The following XG variants were observed in gnomAD, a reference collection of about 807,000 sequenced individuals.
XG encodes the protein Xg glycoprotein (Xg blood group).
A neutral mutation model predicts 25.7 loss-of-function variants in XG; 24 were observed. The observed-to-expected ratio is 0.93, with a 90% CI of 0.68 to 1.31. The LOEUF (loss-of-function observed/expected upper bound fraction) is 1.31. Among genes scored for constraint, XG ranks in the 40% most tolerant of loss-of-function variants. XG has a pLI of 0.00. For synonymous variants in XG, 77 were observed against 69.2 expected, an observed-to-expected ratio of 1.11 and a Z score of -0.56; for missense variants, 181 against 187.6, an observed-to-expected ratio of 0.96 and a Z score of 0.21.
chrX:2,781,799 C>T (rs1181455606), intron 3 of XG, among the ~76,000 whole-genome samples: 3 of 112,331 alleles, frequency 2.7e-5, no homozygotes, highest in Non-Finnish European at 5.6e-5. Context: ...TCCATCATGG[C>T]AGACAGCTAC....
intron 3 of XG, among the ~76,000 whole-genome samples, chrX:2,779,377 T>C (rs1355315252): frequency 6.7e-6 from 1 of 150,008 alleles, no homozygotes; most frequent in African/African-American, 2.4e-5. Context: ...GGTTAGCCTA[T>C]GTCTACATTT....
chrX:2,780,563 A>G (rs774615275), intron 3 of XG, among the ~76,000 whole-genome samples: 1 of 152,128 alleles, frequency 6.6e-6, no homozygotes, highest in Admixed American at 6.6e-5. Context: ...CCCTGTTTCT[A>G]CTAAAAATAC....
intron 1 of XG, among the ~76,000 whole-genome samples, chrX:2,765,376 G>GGGAAGGAAGGAATGAAGGAAGGAA (rs2050660522): frequency 6.9e-6 from 1 of 144,024 alleles, no homozygotes; most frequent in Non-Finnish European, 1.5e-5. Context: ...GAGGGAGGGA[G>GGGAAGGAAGGAATGAAGGAAGGAA]GGAAGGAAGG....
chrX:2,779,516 T>A (rs1418972744), intron 3 of XG, among the ~76,000 whole-genome samples: 3 of 152,138 alleles, frequency 2.0e-5, no homozygotes, highest in Non-Finnish European at 4.4e-5. Flanking sequence ...AATGCAGTCA[T>A]CCTTCAGAAT....
intron 1 of XG, among the ~76,000 whole-genome samples, chrX:2,767,165 G>T (rs1324747691): frequency 1.3e-5 from 2 of 152,106 alleles, no homozygotes; most frequent in Non-Finnish European, 2.9e-5. Context: ...GGAGGCAGGG[G>T]AACTCCAATA....
intron 1 of XG, among the ~76,000 whole-genome samples, chrX:2,762,707 C>G (rs1255349963): frequency 6.6e-6 from 1 of 152,352 alleles, no homozygotes; most frequent in South Asian, 2.1e-4. Context: ...AGCAGCCTTC[C>G]TTGTCACTTT....
rs146284484 is a variant in XG, at chrX:2,811,373, C to G, written c.492C>G (p.Ser164=). 8.3e-7 allele frequency: 1 copy of G among 1,207,803 alleles called. No homozygotes were observed. The highest frequency in any genetic ancestry group is 1.1e-6 in the Non-Finnish European group (1 of 893,694). Reference sequence around the variant, plus strand: ...CAAAAATCGTGTCTCCCATCGTATCCGTGGTGGTGGTGACACTGCTGGGAG... The same window carrying G: ...CAAAAATCGTGTCTCCCATCGTATCGGTGGTGGTGGTGACACTGCTGGGAG... ...MVAKIVSPIV[S]VVVVTLLGAA... Residue 164 remains serine, a synonymous_variant, in exon 10 of 11, where the codon TCC becomes TCG. Coordinates refer to ENST00000644266, the MANE Select transcript of XG (RefSeq NM_001141919.2).
chrX:2,752,311 C>T lies in XG; in HGVS notation c.37C>T (p.Leu13=). 1 of 1,613,684 alleles carries T rather than the reference C, an allele frequency of 6.2e-7. No homozygotes were observed. Among genetic ancestry groups the T allele is most frequent in the Non-Finnish European group, 8.5e-7 (1 of 1,179,862 alleles). Residue 13 remains leucine, a synonymous_variant, in exon 1 of 11, where the codon CTG becomes TTG. Coordinates refer to ENST00000644266, the MANE Select transcript of XG (RefSeq NM_001141919.2). ...SWWGLPCLAF[L]CFLMHARGQR... ...GTGGGGACTTCCCTGTCTTGCGTTC[C>T]TGTGTTTTCTAATGCACGCCCGAGG...
intron 1 of XG, among the ~76,000 whole-genome samples, chrX:2,761,796 G>A (rs1300537778): frequency 8.6e-5 from 13 of 151,930 alleles, no homozygotes; most frequent in Non-Finnish European, 1.8e-4. Context: ...ACAAGCCCAG[G>A]AGAGAGGACT....
intron 3 of XG, among the ~76,000 whole-genome samples, chrX:2,778,281 G>A (rs1489168562): frequency 7.9e-5 from 12 of 152,202 alleles, no homozygotes; most frequent in Non-Finnish European, 2.9e-5. Flanking sequence ...GGTGGCTCAC[G>A]CCTGTAATCC....
chrX:2,757,469 G>T (rs2050459722), intron 1 of XG, among the ~76,000 whole-genome samples: 1 of 151,748 alleles, frequency 6.6e-6, no homozygotes, highest in Admixed American at 6.6e-5. Context: ...GACTTAAAAT[G>T]TGTGTGCATT....
intron 1 of XG, among the ~76,000 whole-genome samples, chrX:2,756,205 T>C (rs907048903): frequency 2.0e-5 from 3 of 152,204 alleles, no homozygotes; most frequent in Admixed American, 6.5e-5. Context: ...AATTAGTATT[T>C]GCCGTCCAAT....
chrX:2,759,307 G>A (rs2050509830), intron 1 of XG, among the ~76,000 whole-genome samples: 2 of 152,210 alleles, frequency 1.3e-5, no homozygotes, highest in South Asian at 4.1e-4. Flanking sequence ...TGGAGAACCT[G>A]CTGTTAGTTA....
intron 1 of XG, among the ~76,000 whole-genome samples, chrX:2,760,941 C>G (rs911174895): frequency 4.6e-5 from 7 of 152,102 alleles, no homozygotes; most frequent in Non-Finnish European, 1.0e-4. Flanking sequence ...CTGCCCACAC[C>G]TTGATCTCAG....
intron 5 of XG, among the ~76,000 whole-genome samples, chrX:2,793,312 T>C (rs1291059998): frequency 3.6e-5 from 4 of 111,751 alleles, no homozygotes; most frequent in Admixed American, 2.9e-4. Flanking sequence ...TATAGACCAA[T>C]CTTGGAGAGG....
intron 1 of XG, among the ~76,000 whole-genome samples, chrX:2,756,070 T>C (rs1296634250): frequency 6.6e-6 from 1 of 152,198 alleles, no homozygotes; most frequent in East Asian, 1.9e-4. Flanking sequence ...ATATTGTTAA[T>C]GGTTAATATG....
At chrX:2,762,022 C>T (rs191129258) in intron 1 of XG, among the ~76,000 whole-genome samples, 5 of 152,238 alleles carry the variant, frequency 3.3e-5, no homozygotes, top group Non-Finnish European at 5.9e-5. Flanking sequence ...TGTCTTGGGC[C>T]CAGACAGACC....
chrX:2,780,779 G>A (rs1569463977), intron 3 of XG, among the ~76,000 whole-genome samples: 2 of 152,062 alleles, frequency 1.3e-5, no homozygotes, highest in Non-Finnish European at 2.9e-5. Context: ...TGAAGCAAAG[G>A]CAGGAAGACT....
intron 4 of XG, among the ~76,000 whole-genome samples, chrX:2,787,682 G>T (rs749249821): frequency 9.0e-6 from 1 of 110,602 alleles, no homozygotes; most frequent in South Asian, 3.9e-4. Context: ...CGACGTGGGT[G>T]GATCACCTGA....
Sources: allele counts gnomAD v4.1 joint callset (sites outside exome capture counted in the v4.1 genomes callset), GRCh38; gene constraint gnomAD v4.1.1; transcripts MANE v1.5; gene names NCBI Gene and HGNC (gene_info 2026-07-23, HGNC 2026-07-21).